DLGAP1: variants seen among roughly 807,000 people sequenced by gnomAD.
DLGAP1 encodes the protein DLG associated protein 1.
A neutral mutation model predicts 90.8 loss-of-function variants in DLGAP1; 11 were observed. That is an observed-to-expected ratio of 0.12 (90% CI 0.08 to 0.20). DLGAP1 has a LOEUF of 0.20. Among genes scored for constraint, DLGAP1 ranks in the 10% least tolerant of loss-of-function variants. DLGAP1 has a pLI of 1.00. For synonymous variants in DLGAP1, 558 were observed against 540.7 expected (o/e 1.03, Z -0.44); for missense variants, 1,050 against 1,333.8 (o/e 0.79, Z 3.31).
In DLGAP1 at chr18:3,496,893, A is replaced by T. The variant is rs1035551024; in HGVS notation, c.*2292T>A. The T allele has an allele frequency of 6.6e-6, 1 of 152,236 alleles. No individual in the cohort carries two copies. Among genetic ancestry groups the T allele is most frequent in the African/African-American group, 2.4e-5 (1 of 41,462 alleles). The allele number at this position is 152,236 out of a possible 1,614,324, so 9.4% of individuals were successfully genotyped here. A position where few individuals can be genotyped will look rare whatever the true frequency, so the allele number is the denominator to read the frequency against. On this transcript the variant is annotated 3_prime_UTR_variant, in exon 13 of 13. Transcript: ENST00000315677. ...CTAAAAGATTTAAAATTCTTACCAA[A>T]AATAGCTTATGAATATACAAATGCC...
intron 1 of DLGAP1, among the ~76,000 whole-genome samples, chr18:4,282,853 T>C (rs1400913272): frequency 1.3e-5 from 2 of 152,170 alleles, no homozygotes; most frequent in Admixed American, 1.3e-4. Flanking sequence ...AGCAAATAAT[T>C]CCAGGAAATA....
intron 5 of DLGAP1, among the ~76,000 whole-genome samples, chr18:3,746,388 C>T (rs1169313200): frequency 1.3e-5 from 2 of 151,764 alleles, no homozygotes; most frequent in Non-Finnish European, 2.9e-5. Flanking sequence ...TAAAGAAATG[C>T]AAAGGAATAT....
intron 1 of DLGAP1, among the ~76,000 whole-genome samples, chr18:4,397,785 T>C (rs1380170081): frequency 6.6e-6 from 1 of 152,164 alleles, no homozygotes; most frequent in East Asian, 1.9e-4. Context: ...TTACCATATG[T>C]TAGGAACCAG....
At chr18:3,579,992 G>A (rs974304921) in intron 8 of DLGAP1, among the ~76,000 whole-genome samples, 1 of 152,036 alleles carries the variant, frequency 6.6e-6, no homozygotes, top group Admixed American at 6.6e-5. Context: ...CGATGACCCC[G>A]GCTATTCCTG....
At chr18:4,011,917 A>C (rs2074431098) in intron 2 of DLGAP1, among the ~76,000 whole-genome samples, 1 of 152,186 alleles carries the variant, frequency 6.6e-6, no homozygotes, top group Non-Finnish European at 1.5e-5. Flanking sequence ...CATGAGCATA[A>C]GCACCCAAAG....
In DLGAP1 at chr18:3,879,849, G is replaced by A. The variant is rs2071104128; in HGVS notation, c.220C>T (p.His74Tyr). The A allele has an allele frequency of 6.2e-7, 1 of 1,609,792 alleles. No homozygotes were observed. Among genetic ancestry groups the A allele is most frequent in the Non-Finnish European group, 8.5e-7 (1 of 1,179,724 alleles). ...PLASSTFPRR[H>Y]YTSQQELKDE... ...TTCAGCTCTTGCTGCGAGGTGTAGTGCCTGCGGGGGAAGGTGCTGCTGGCC... is the reference window on the plus strand; with the variant it reads ...TTCAGCTCTTGCTGCGAGGTGTAGTACCTGCGGGGGAAGGTGCTGCTGGCC... The change falls in exon 4 of 13, where the codon CAC (histidine) becomes TAC (tyrosine). Residue 74 changes from histidine (H) to tyrosine (Y), a missense_variant. His to Tyr is a moderately conservative substitution (Grantham distance 83). Around this residue, in one of 2 missense-constraint regions of DLGAP1, gnomAD observed 485 missense variants for 454.1 expected, o/e 1.07. Transcript: ENST00000315677. This position sits in a 1 kb window ranked among gnomAD's most constrained non-coding sequence, Gnocchi z 6.6.
chr18:3,518,989 G>A (rs1286917248), intron 10 of DLGAP1, among the ~76,000 whole-genome samples: 2 of 152,066 alleles, frequency 1.3e-5, no homozygotes, highest in African/African-American at 4.8e-5. Context: ...TTTTTTATGA[G>A]TATAAGAAAT....
intron 2 of DLGAP1, among the ~76,000 whole-genome samples, chr18:4,069,958 G>C (rs532617128): frequency 1.0e-3 from 158 of 151,782 alleles, no homozygotes; most frequent in African/African-American, 3.7e-3. Flanking sequence ...ACAGACAAAG[G>C]CTTAATCCAT....
At chr18:3,784,914 C>T (rs186715328) in intron 5 of DLGAP1, among the ~76,000 whole-genome samples, 75 of 152,272 alleles carry the variant, frequency 4.9e-4, no homozygotes, top group Middle Eastern at 3.4e-3. Flanking sequence ...CACTGGCCTT[C>T]TTGCTGCTCC....
intron 10 of DLGAP1, among the ~76,000 whole-genome samples, chr18:3,523,409 A>AAAAATT (rs1432868263): frequency 7.9e-5 from 12 of 151,930 alleles, no homozygotes. Flanking sequence ...AAATAAAAAT[A>AAAAATT]AAAAGGCATC....
intron 4 of DLGAP1, among the ~76,000 whole-genome samples, chr18:3,835,878 G>A (rs11877683): frequency 0.13 from 19,808 of 151,938 alleles, 1,383 homozygotes; most frequent in Middle Eastern, 0.18. Context: ...CCCCGCCATC[G>A]CCATCATTCT....
At chr18:4,452,395 C>T (rs989688680) in intron 1 of DLGAP1, among the ~76,000 whole-genome samples, 10 of 152,020 alleles carry the variant, frequency 6.6e-5, no homozygotes, top group Admixed American at 5.2e-4. Context: ...TACTTTGCTG[C>T]ATATTAGTGA....
rs181283467 is a variant in DLGAP1 at position 4,356,240 on chromosome 18, C to A, written c.-267+98766G>T. ...CTTCTCTTTTTCCCAGAGACCCATT[C>A]CCTTGGTAAACTCATCCCGACCCCT... On this transcript the variant is annotated intron_variant, in intron 1 of 12. Coordinates refer to ENST00000315677, the MANE Select transcript of DLGAP1 (RefSeq NM_004746.4). Among the ~76,000 whole-genome samples the A allele has an allele frequency of 2.9e-3, 439 of 152,020 alleles. 3 individuals are homozygous for A. Among genetic ancestry groups the A allele is most frequent in the African/African-American group, 0.01 (425 of 41,464 alleles).
At chr18:3,892,543 A>G (rs2071498216) in intron 3 of DLGAP1, among the ~76,000 whole-genome samples, 1 of 152,214 alleles carries the variant, frequency 6.6e-6, no homozygotes, top group Admixed American at 6.5e-5. Context: ...CCCTGACTAA[A>G]GGAATCATGG....
intron 3 of DLGAP1, among the ~76,000 whole-genome samples, chr18:3,946,589 A>G (rs993111182): frequency 1.3e-5 from 2 of 152,188 alleles, no homozygotes; most frequent in Non-Finnish European, 2.9e-5. Flanking sequence ...CTGGGAATTT[A>G]CTAAATATAA....
chr18:3,952,128 A>G (rs1025744209), intron 3 of DLGAP1, among the ~76,000 whole-genome samples: 9 of 152,230 alleles, frequency 5.9e-5, no homozygotes, highest in Non-Finnish European at 1.2e-4. Context: ...TAGTCGGTTT[A>G]TAAGATGGAT....
At chr18:3,822,361 C>G (rs1444028914) in intron 4 of DLGAP1, among the ~76,000 whole-genome samples, 5 of 152,172 alleles carry the variant, frequency 3.3e-5, no homozygotes, top group African/African-American at 1.2e-4. Flanking sequence ...TAGAATTATT[C>G]TTACCCACAA....
chr18:4,243,493 G>A (rs1041982092), intron 1 of DLGAP1, among the ~76,000 whole-genome samples: 2 of 152,118 alleles, frequency 1.3e-5, no homozygotes, highest in Non-Finnish European at 1.5e-5. Flanking sequence ...TTGGCAAGAA[G>A]TATTCTTCAT....
At chr18:4,107,725 T>C (rs578177126) in intron 2 of DLGAP1, among the ~76,000 whole-genome samples, 57 of 152,350 alleles carry the variant, frequency 3.7e-4, no homozygotes, top group African/African-American at 1.3e-3. Flanking sequence ...GAATGTAATG[T>C]AATGAATAGT....
Sources: gnomAD v4.1 joint callset for allele counts (sites outside exome capture counted in the v4.1 genomes callset) on GRCh38, gnomAD v4.1.1 for gene constraint, gnomAD v4.1.1 regional missense constraint, Gnocchi (gnomAD v3.1) non-coding constraint, MANE v1.5 for transcripts, NCBI Gene and HGNC (gene_info 2026-07-23, HGNC 2026-07-21) for gene names.